The following NAALADL2 variants were observed in gnomAD, a reference collection of about 807,000 sequenced individuals.
NAALADL2 encodes N-acetylated alpha-linked acidic dipeptidase like 2.
Under a neutral mutation model 87.2 loss-of-function variants are expected in NAALADL2, and 76 were observed. The observed-to-expected ratio is 0.87, with a 90% CI of 0.72 to 1.05. The LOEUF is 1.05. Ranked by LOEUF, NAALADL2 falls within the 50% of genes least tolerant of loss-of-function variation. The probability of loss-of-function intolerance (pLI) is 0.00; values close to 1 mark genes in which losing one functional copy is unlikely to be tolerated. For missense variants in NAALADL2, 1,089 were observed against 945.8 expected (o/e 1.15, Z -1.99); for synonymous variants, 354 against 331.0 (o/e 1.07, Z -0.75).
chr3:175,630,424 G>A (rs778477240), intron 11 of NAALADL2, among the ~76,000 whole-genome samples: 4 of 151,184 alleles, frequency 2.6e-5, no homozygotes, highest in Admixed American at 6.6e-5. Context: ...TGATGTATAC[G>A]TTTTCTCTAG....
chr3:174,827,937 C>T (rs549369236), intron 3 of NAALADL2, among the ~76,000 whole-genome samples: 7 of 152,114 alleles, frequency 4.6e-5, no homozygotes, highest in Non-Finnish European at 1.0e-4. Flanking sequence ...AATCTCAGCA[C>T]TTTGGGAGGC....
At chr3:175,795,716 TAAA>T (rs556939443) in intron 13 of NAALADL2, among the ~76,000 whole-genome samples, 2 of 150,216 alleles carry the variant, frequency 1.3e-5, no homozygotes, top group South Asian at 2.1e-4. Flanking sequence ...ATAAAATAAA[TAAA>T]AAAGAACAGA....
chr3:175,548,031 C>G (rs1191651702), intron 9 of NAALADL2, among the ~76,000 whole-genome samples: 1 of 152,112 alleles, frequency 6.6e-6, no homozygotes, highest in East Asian at 1.9e-4. Context: ...TACCATTCAG[C>G]ACAGCAATCC....
intron 1 of NAALADL2, among the ~76,000 whole-genome samples, chr3:174,999,724 T>G (rs181185774): frequency 1.2e-3 from 177 of 152,314 alleles, no homozygotes; most frequent in Middle Eastern, 0.01. Context: ...AAAGTGCATA[T>G]GTAATGTTAA....
At chr3:174,978,640 C>T (rs1306774317) in intron 1 of NAALADL2, among the ~76,000 whole-genome samples, 3 of 152,036 alleles carry the variant, frequency 2.0e-5, no homozygotes, top group Admixed American at 6.6e-5. Context: ...TATTCATTAT[C>T]GTGAAAAACT....
intron 2 of NAALADL2, among the ~76,000 whole-genome samples, chr3:174,698,869 AG>A (rs1729276522): frequency 2.1e-5 from 2 of 95,386 alleles, no homozygotes; most frequent in Non-Finnish European, 3.5e-5. Flanking sequence ...GTCTCAAAGA[AG>A]AAAAAAAAAA....
At chr3:174,962,424 T>TATATGTCATAGTGACTATGAC (rs1742237280) in intron 1 of NAALADL2, among the ~76,000 whole-genome samples, 10 of 142,246 alleles carry the variant, frequency 7.0e-5, no homozygotes, top group African/African-American at 2.6e-4. Context: ...TATATATATA[T>TATATGTCATAGTGACTATGAC]ATATATATGT....
chr3:174,933,012 G>C (rs1236916707), intron 1 of NAALADL2, among the ~76,000 whole-genome samples: 1 of 152,170 alleles, frequency 6.6e-6, no homozygotes, highest in African/African-American at 2.4e-5. Context: ...AGCTACTTGG[G>C]AGGCTGAGGC....
intron 1 of NAALADL2, among the ~76,000 whole-genome samples, chr3:174,541,339 A>C (rs1390018708): frequency 6.6e-6 from 1 of 152,108 alleles, no homozygotes; most frequent in Non-Finnish European, 1.5e-5. Flanking sequence ...GTTTCTAAAA[A>C]TTTTTACATT....
chr3:174,579,981 T>A (rs1715974714), intron 2 of NAALADL2, among the ~76,000 whole-genome samples: 1 of 151,978 alleles, frequency 6.6e-6, no homozygotes. Flanking sequence ...GGAAAAAAAA[T>A]AAGAAATTGC....
intron 5 of NAALADL2, among the ~76,000 whole-genome samples, chr3:175,423,723 T>C (rs552262982): frequency 6.0e-4 from 91 of 152,252 alleles, no homozygotes; most frequent in African/African-American, 2.0e-3. Flanking sequence ...CCACAATAAA[T>C]ATGCATGTGC....
chr3:174,704,546 G>A (rs1481365318), intron 2 of NAALADL2, among the ~76,000 whole-genome samples: 1 of 151,708 alleles, frequency 6.6e-6, no homozygotes, highest in Admixed American at 6.6e-5. Context: ...ACTAATACTG[G>A]AGGATAAATG....
At chr3:175,381,623 G>A (rs1767794245) in intron 5 of NAALADL2, among the ~76,000 whole-genome samples, 1 of 152,018 alleles carries the variant, frequency 6.6e-6, no homozygotes, top group Admixed American at 6.6e-5. Context: ...ATATTATAGA[G>A]CGATAATGAG....
chr3:174,920,804 G>A (rs1735069515), intron 1 of NAALADL2, among the ~76,000 whole-genome samples: 1 of 152,124 alleles, frequency 6.6e-6, no homozygotes, highest in South Asian at 2.1e-4. Flanking sequence ...TTAAAAGTAA[G>A]ATATATGTTA....
intron 10 of NAALADL2, among the ~76,000 whole-genome samples, chr3:175,597,616 A>G (rs1722416939): frequency 1.3e-5 from 2 of 151,944 alleles, no homozygotes; most frequent in Admixed American, 1.3e-4. Flanking sequence ...TGTCCCAAGT[A>G]ATTCTTTGTT....
chr3:174,848,982 T>A (rs1245883154), intron 3 of NAALADL2, among the ~76,000 whole-genome samples: 1 of 152,144 alleles, frequency 6.6e-6, no homozygotes, highest in Admixed American at 6.5e-5. Flanking sequence ...AACACGATGG[T>A]AAGTGTTTGT....
chr3:175,670,382 A>G (rs1440651560), intron 11 of NAALADL2, among the ~76,000 whole-genome samples: 1 of 148,604 alleles, frequency 6.7e-6, no homozygotes, highest in Non-Finnish European at 1.5e-5. Context: ...AATCAAAATT[A>G]TAACATTTAA....
At chr3:174,840,521 A>G (rs1383111158) in intron 3 of NAALADL2, among the ~76,000 whole-genome samples, 1 of 152,276 alleles carries the variant, frequency 6.6e-6, no homozygotes, top group East Asian at 1.9e-4. Flanking sequence ...TAAATATTTA[A>G]AGTCAAGTTT....
At chr3:175,012,184 G>A (rs1047186079) in intron 1 of NAALADL2, among the ~76,000 whole-genome samples, 2 of 152,174 alleles carry the variant, frequency 1.3e-5, no homozygotes, top group Admixed American at 6.5e-5. Context: ...ATTTATCTGA[G>A]ATGGAGATTT....
Sources: allele counts gnomAD v4.1 joint callset (sites outside exome capture counted in the v4.1 genomes callset), GRCh38; gene constraint gnomAD v4.1.1; transcripts MANE v1.5; gene names NCBI Gene and HGNC (gene_info 2026-07-23, HGNC 2026-07-21).